Variants in SUCNR1 observed in about 807,000 individuals in gnomAD.
The protein encoded by SUCNR1 is G-protein coupled receptor 91.
SUCNR1 carries 5 observed loss-of-function variants against 2.4 expected under a neutral mutation model. That is an observed-to-expected ratio of 2.07 (90% CI 1.08 to 4.36). SUCNR1 has a LOEUF of 4.36. SUCNR1 is among the 30% of genes most tolerant of loss of function. The probability of loss-of-function intolerance (pLI) is 0.00; values close to 1 mark genes in which losing one functional copy is unlikely to be tolerated. For missense variants in SUCNR1, 373 were observed against 399.2 expected (o/e 0.93, Z 0.56); for synonymous variants, 162 against 143.9 (o/e 1.13, Z -0.90).
chr3:151,879,145 A>G (rs1037489880), intron 1 of SUCNR1, among the ~76,000 whole-genome samples: 10 of 152,184 alleles, frequency 6.6e-5, no homozygotes, highest in Non-Finnish European at 1.5e-4. Flanking sequence ...CTTTTTTCAG[A>G]TAATTAAAGT....
At chr3:151,875,531 A>C (rs1051566161) in intron 1 of SUCNR1, among the ~76,000 whole-genome samples, 2 of 152,176 alleles carry the variant, frequency 1.3e-5, no homozygotes, top group Non-Finnish European at 2.9e-5. Context: ...CAAATGTATC[A>C]AAAAATTATA....
intron 1 of SUCNR1, among the ~76,000 whole-genome samples, 198 bp downstream of exon 1, chr3:151,873,904 CTTCTT>C (rs1488089295): frequency 2.0e-5 from 3 of 151,060 alleles, no homozygotes; most frequent in African/African-American, 4.9e-5. Context: ...AATTAACTGT[CTTCTT>C]TTAGTTGTCA....
chr3:151,880,299 G>A (rs1718048214), intron 2 of SUCNR1, among the ~76,000 whole-genome samples: 1 of 152,106 alleles, frequency 6.6e-6, no homozygotes, highest in Non-Finnish European at 1.5e-5. Context: ...AATTGTTAGA[G>A]ATTAGGAACT....
chr3:151,876,199 A>G (rs925716136), intron 1 of SUCNR1, among the ~76,000 whole-genome samples: 23 of 152,190 alleles, frequency 1.5e-4, no homozygotes, highest in Non-Finnish European at 4.4e-5. Flanking sequence ...CCAACATTTA[A>G]AACTTGGGCA....
chr3:151,875,565 T>C (rs1717901003), intron 1 of SUCNR1, among the ~76,000 whole-genome samples: 1 of 152,114 alleles, frequency 6.6e-6, no homozygotes, highest in Non-Finnish European at 1.5e-5. Context: ...AAATCTCATT[T>C]TTATGAATAA....
At chr3:151,878,495 T>C (rs1046358341) in intron 1 of SUCNR1, among the ~76,000 whole-genome samples, 3 of 151,946 alleles carry the variant, frequency 2.0e-5, no homozygotes, top group South Asian at 2.1e-4. Flanking sequence ...ATGAGTAAGG[T>C]AGAGTAAATG....
intron 1 of SUCNR1, among the ~76,000 whole-genome samples, chr3:151,876,690 C>T (rs1197211684): frequency 6.6e-6 from 1 of 151,990 alleles, no homozygotes; most frequent in Non-Finnish European, 1.5e-5. Context: ...TTCTAAACTA[C>T]AGCTACTACT....
In SUCNR1 at chr3:151,883,550, A is replaced by G. The variant is rs1718167674; in HGVS notation, c.*2002A>G. The G allele has an allele frequency of 6.9e-6, 1 of 144,616 alleles. No homozygotes were observed. The highest frequency in any genetic ancestry group is 7.0e-5 in the Admixed American group (1 of 14,216). 9.0% of individuals were successfully genotyped at this position (144,616 alleles called of 1,614,324 possible). The stretch of plus-strand genomic sequence containing the variant: ...TTAAGAAATTTTATAGCACATTTTA[A>G]AATTATTTTCTTCCTCAAATCTATC... On this transcript the variant is annotated 3_prime_UTR_variant, in exon 3 of 3. Transcript: ENST00000362032.
intron 1 of SUCNR1, among the ~76,000 whole-genome samples, chr3:151,874,147 T>TATATATA (rs1491511074): frequency 1.9e-4 from 3 of 16,054 alleles, no homozygotes; most frequent in African/African-American, 4.4e-4. Flanking sequence ...TATATATATA[T>TATATATA]TTTTTTTTTT....
chr3:151,880,587 T>C lies in SUCNR1; in HGVS notation c.44T>C (p.Leu15Pro). The C allele has an allele frequency of 6.2e-7, 1 of 1,608,718 alleles. No individual in the cohort carries two copies. The highest frequency in any genetic ancestry group is 1.1e-5 in the South Asian group (1 of 90,342). Residue 15 changes from leucine (L) to proline (P), a missense_variant, in exon 3 of 3, where the codon CTG becomes CCG. Around this residue, in one of 3 missense-constraint regions of SUCNR1, gnomAD observed 184 missense variants for 162.2 expected, o/e 1.13. Transcript: ENST00000362032. ...MAWNATCKNW[L>P]AAEAALEKYY... ...TGGAATGCAACTTGCAAAAACTGGC[T>C]GGCAGCAGAGGCTGCCCTGGAAAAG...
rs1190068160 is a variant in SUCNR1 at position 151,874,115 on chromosome 3, CAT to C, written c.-42+413_-42+414del. On this transcript the variant is annotated intron_variant, in intron 1 of 2. Coordinates refer to ENST00000362032, the MANE Select transcript of SUCNR1 (RefSeq NM_033050.6). The stretch of plus-strand genomic sequence containing the variant: ...ACACACACACACACACACACACACA[CAT>C]ATACATACATATATATATATATATA... 1.6e-3 allele frequency among the ~76,000 whole-genome samples: 192 copies of C among 118,896 alleles called. 1 individual carries two copies. In the East Asian group the frequency reaches 0.031, roughly 19 times the overall value. The allele number at this position is 118,896 out of a possible 152,430, so 78.0% of individuals were successfully genotyped here. A position where few individuals can be genotyped will look rare whatever the true frequency, so the allele number is the denominator to read the frequency against.
At chr3:151,879,045 C>A (rs1718003730) in intron 1 of SUCNR1, among the ~76,000 whole-genome samples, 1 of 152,180 alleles carries the variant, frequency 6.6e-6, no homozygotes, top group Non-Finnish European at 1.5e-5. Context: ...GCCTACTTGA[C>A]AAAGAGGTTT....
At position 151,879,918 on chromosome 3, in the gene SUCNR1, A is replaced by G; in HGVS notation, c.15+11A>G. ...ATGCTGGGGATCATGGTATGTTTAG[A>G]GACACAAAAGTGAATTCAAAATCTT... On this transcript the variant is annotated intron_variant, in intron 2 of 2. Coordinates refer to ENST00000362032, the MANE Select transcript of SUCNR1 (RefSeq NM_033050.6). 2 of 1,568,228 alleles carry G rather than the reference A, an allele frequency of 1.3e-6. No homozygotes were observed. Among genetic ancestry groups the G allele is most frequent in the Admixed American group, 1.8e-5 (1 of 54,784 alleles).
intron 1 of SUCNR1, among the ~76,000 whole-genome samples, chr3:151,876,037 A>G (rs1717916152): frequency 6.6e-6 from 1 of 152,232 alleles, no homozygotes; most frequent in African/African-American, 2.4e-5. Flanking sequence ...AGAAAGATAA[A>G]CGTTATGACC....
intron 1 of SUCNR1, among the ~76,000 whole-genome samples, chr3:151,877,621 T>G (rs1717963345): frequency 6.6e-6 from 1 of 152,152 alleles, no homozygotes; most frequent in African/African-American, 2.4e-5. Flanking sequence ...TTGCTTAGAT[T>G]TTCGTGGTGA....
chr3:151,883,975 G>A lies in SUCNR1; in HGVS notation c.*2427G>A, dbSNP rs2108070208. The A allele has an allele frequency of 6.6e-6, 1 of 152,158 alleles. No individual in the cohort carries two copies. The highest frequency in any genetic ancestry group is 2.1e-4 in the South Asian group (1 of 4,822). The allele number at this position is 152,158 out of a possible 1,614,324, so 9.4% of individuals were successfully genotyped here. On this transcript the variant is annotated 3_prime_UTR_variant, in exon 3 of 3. Transcript: ENST00000362032. Reference sequence around the variant, plus strand: ...ATAATAATTCTAAACAACTTTCAAGGTTCATCTCATCTGTCATTCTTTGTT... The same window carrying A: ...ATAATAATTCTAAACAACTTTCAAGATTCATCTCATCTGTCATTCTTTGTT...
In SUCNR1 at chr3:151,881,584, T is replaced by C. The variant is rs774764128; in HGVS notation, c.*36T>C. On this transcript the variant is annotated 3_prime_UTR_variant, in exon 3 of 3. Transcript: ENST00000362032. ...AAACAGATTGTTCTACAGATGAATCTGTAAGCCAGTTACAGTTTGCCTTAA... is the reference window on the plus strand; with the variant it reads ...AAACAGATTGTTCTACAGATGAATCCGTAAGCCAGTTACAGTTTGCCTTAA... 2.2e-5 allele frequency: 34 copies of C among 1,535,018 alleles called. No homozygotes were observed. The highest frequency in any genetic ancestry group is 2.8e-5 in the African/African-American group (2 of 72,352).
rs765007339 is a variant in SUCNR1 at position 151,879,915 on chromosome 3, T to C, written c.15+8T>C. 1.3e-6 allele frequency: 2 copies of C among 1,573,726 alleles called. No homozygotes were observed. The highest frequency in any genetic ancestry group is 8.6e-7 in the Non-Finnish European group (1 of 1,159,146). On this transcript the variant is annotated splice_region_variant and intron_variant, in intron 2 of 2. Coordinates refer to ENST00000362032, the MANE Select transcript of SUCNR1 (RefSeq NM_033050.6). ...GACATGCTGGGGATCATGGTATGTT[T>C]AGAGACACAAAAGTGAATTCAAAAT...
intron 1 of SUCNR1, among the ~76,000 whole-genome samples, chr3:151,878,921 CT>C (rs1380538868): frequency 3.3e-5 from 5 of 152,180 alleles, no homozygotes; most frequent in African/African-American, 1.2e-4. Flanking sequence ...GCAAATTCTA[CT>C]GAATTTTGCA....
Sources: allele counts gnomAD v4.1 joint callset (sites outside exome capture counted in the v4.1 genomes callset), GRCh38; gene constraint gnomAD v4.1.1; regional missense constraint gnomAD v4.1.1; transcripts MANE v1.5; gene names NCBI Gene and HGNC (gene_info 2026-07-23, HGNC 2026-07-21).